The following ZC3H12B variants were observed in gnomAD, a reference collection of about 807,000 sequenced individuals.
ZC3H12B encodes the protein zinc finger CCCH-type containing 12B.
In ZC3H12B, 7 loss-of-function variants were observed where a neutral mutation model predicts 43.9. The ratio of observed to expected loss-of-function variants is 0.16; its 90% CI spans 0.09 to 0.30. The LOEUF is 0.30. Ranked by LOEUF, ZC3H12B falls within the 10% of genes least tolerant of loss-of-function variation. The probability of loss-of-function intolerance (pLI) is 1.00; values close to 1 mark genes in which losing one functional copy is unlikely to be tolerated. For synonymous variants in ZC3H12B, 222 were observed against 241.7 expected (o/e 0.92, Z 0.76); for missense variants, 475 against 670.2 (o/e 0.71, Z 3.22).
chrX:65,485,981 T>A (rs2068119337), upstream of ZC3H12B, among the ~76,000 whole-genome samples: 1 of 112,209 alleles, frequency 8.9e-6, no homozygotes, highest in Non-Finnish European at 1.9e-5. Flanking sequence ...TGTTGTCTGG[T>A]GCATAGTTGG....
intron 3 of ZC3H12B, among the ~76,000 whole-genome samples, chrX:65,466,919 T>C (rs1483112397): frequency 2.3e-4 from 4 of 17,610 alleles, no homozygotes; most frequent in Non-Finnish European, 3.2e-4. Flanking sequence ...AAACCAAATA[T>C]ATATATATAT....
chrX:65,405,285 T>C (rs761840119), intron 3 of ZC3H12B, among the ~76,000 whole-genome samples: 1 of 111,884 alleles, frequency 8.9e-6, no homozygotes, highest in Non-Finnish European at 1.9e-5. Flanking sequence ...CTTAAAGAAA[T>C]AGAAAAGCAA....
At chrX:65,309,351 G>C in the ZC3H12B span, among the ~76,000 whole-genome samples, 1 of 111,850 alleles carries the variant, frequency 8.9e-6, no homozygotes, top group East Asian at 2.8e-4. Flanking sequence ...ATTACTATCA[G>C]AGAATATTAT....
At chrX:65,285,109 A>AATTATTATTATT in the ZC3H12B span, among the ~76,000 whole-genome samples, 1 of 108,678 alleles carries the variant, frequency 9.2e-6, no homozygotes, top group African/African-American at 3.4e-5. Flanking sequence ...GCAAGAGAAT[A>AATTATTATTATT]ATTATTATTA....
intron 3 of ZC3H12B, among the ~76,000 whole-genome samples, chrX:65,416,841 G>T (rs1466315699): frequency 9.1e-6 from 1 of 109,477 alleles, no homozygotes. Context: ...CTGAATCAAA[G>T]AACTCTGGGG....
At chrX:65,442,974 C>A (rs2067322952) in intron 3 of ZC3H12B, among the ~76,000 whole-genome samples, 1 of 110,569 alleles carries the variant, frequency 9.0e-6, no homozygotes, top group African/African-American at 3.3e-5. Context: ...CCAGTGTCCT[C>A]TGGAAAAGAA....
intron 2 of ZC3H12B, among the ~76,000 whole-genome samples, chrX:65,374,765 G>A (rs2066321556): frequency 1.8e-5 from 2 of 111,145 alleles, no homozygotes; most frequent in Non-Finnish European, 3.8e-5. Context: ...TTACAATCAC[G>A]GTGGAACGGG....
intron 1 of ZC3H12B, among the ~76,000 whole-genome samples, chrX:65,367,311 C>G (rs1266074270): frequency 1.8e-5 from 2 of 111,382 alleles, no homozygotes; most frequent in Non-Finnish European, 3.8e-5. Flanking sequence ...ATGGCCAGCT[C>G]AAATCTCAGT....
At chrX:65,120,783 G>T in the ZC3H12B span, among the ~76,000 whole-genome samples, 2 of 111,319 alleles carry the variant, frequency 1.8e-5, no homozygotes, top group Admixed American at 9.5e-5. Context: ...TTCACTGTGG[G>T]TTTGTCATAG....
chrX:65,122,823 A>C, the ZC3H12B span, among the ~76,000 whole-genome samples: 2 of 111,833 alleles, frequency 1.8e-5, no homozygotes, highest in African/African-American at 3.2e-5. Flanking sequence ...TCAATTCAAC[A>C]GGAAGAGCTA....
At chrX:65,291,745 G>A in the ZC3H12B span, among the ~76,000 whole-genome samples, 1 of 111,839 alleles carries the variant, frequency 8.9e-6, no homozygotes, top group Non-Finnish European at 1.9e-5. Context: ...AGTTAATACT[G>A]TACACTATAC....
the ZC3H12B span, among the ~76,000 whole-genome samples, chrX:65,340,135 G>A: frequency 8.9e-6 from 1 of 111,829 alleles, no homozygotes; most frequent in Non-Finnish European, 1.9e-5. Context: ...CCTCACGTGA[G>A]TGACCACCCT....
chrX:65,217,986 A>T, the ZC3H12B span, among the ~76,000 whole-genome samples: 2 of 112,241 alleles, frequency 1.8e-5, no homozygotes, highest in Non-Finnish European at 3.8e-5. Context: ...CACAAATAAG[A>T]CTAACTCAAG....
chrX:65,116,271 G>T, the ZC3H12B span, among the ~76,000 whole-genome samples: 2 of 111,574 alleles, frequency 1.8e-5, no homozygotes, highest in African/African-American at 6.5e-5. Flanking sequence ...CATATAGCTT[G>T]CCAATTATCC....
At chrX:65,151,540 C>T in the ZC3H12B span, among the ~76,000 whole-genome samples, 1 of 111,786 alleles carries the variant, frequency 8.9e-6, no homozygotes. Context: ...TTTAATTACT[C>T]AGATTACCAA....
the ZC3H12B span, among the ~76,000 whole-genome samples, chrX:65,349,126 C>A: frequency 8.9e-6 from 1 of 111,770 alleles, no homozygotes; most frequent in Non-Finnish European, 1.9e-5. Flanking sequence ...GAAAGTAAAA[C>A]GCTCCTCAGC....
chrX:65,436,497 A>T lies in ZC3H12B; in HGVS notation n.407+37793A>T, dbSNP rs769690135. Among the ~76,000 whole-genome samples the T allele has an allele frequency of 5.3e-5, 6 of 112,477 alleles. No homozygotes were observed. In the South Asian group the frequency reaches 2.2e-3, roughly 42 times the overall value. ...TTCCTTCCTCAGCCCACCAATTTAA[A>T]TGCCGACCTTTTTTGGAAACACCCT... On this transcript the variant is annotated intron_variant and non_coding_transcript_variant, in intron 3 of 5. Coordinates refer to the ZC3H12B transcript ENST00000617377.
At chrX:65,053,905 T>A in the ZC3H12B span, among the ~76,000 whole-genome samples, 2 of 112,106 alleles carry the variant, frequency 1.8e-5, no homozygotes, top group Non-Finnish European at 3.8e-5. Context: ...ATAAATGTCT[T>A]CTTTTGAGAA....
the ZC3H12B span, among the ~76,000 whole-genome samples, chrX:65,274,947 T>A: frequency 8.9e-6 from 1 of 111,822 alleles, no homozygotes; most frequent in South Asian, 3.7e-4. Flanking sequence ...ACCTGAGAAA[T>A]AGATCCTTGG....
Sources: allele counts gnomAD v4.1 joint callset (sites outside exome capture counted in the v4.1 genomes callset), GRCh38; gene constraint gnomAD v4.1.1; transcripts MANE v1.5; gene names NCBI Gene and HGNC (gene_info 2026-07-23, HGNC 2026-07-21).